MAN2C1: variants seen among roughly 807,000 people sequenced by gnomAD.
MAN2C1 encodes mannosidase alpha class 2C member 1.
In MAN2C1, 111 loss-of-function variants were observed where a neutral mutation model predicts 126.9. That is an observed-to-expected ratio of 0.87 (90% CI 0.75 to 1.02). The LOEUF (loss-of-function observed/expected upper bound fraction) is 1.02. MAN2C1 is among the 50% of genes least tolerant of loss of function. The pLI is 0.00. For synonymous variants in MAN2C1, 567 were observed against 561.5 expected (o/e 1.01, Z -0.14); for missense variants, 1,363 against 1,364.4 (o/e 1.00, Z 0.02).
At position 75,361,949 on chromosome 15, in the gene MAN2C1, T is replaced by C. The variant is rs757406472; in HGVS notation, c.1009-2A>G. 1.2e-6 allele frequency: 2 copies of C among 1,613,032 alleles called. No homozygotes were observed. Among genetic ancestry groups the C allele is most frequent in the African/African-American group, 2.7e-5 (2 of 74,934 alleles). Reference sequence around the variant, plus strand: ...CTCTCCACTGGGCAGGTTCCCATCCTGGCAGTGAAGGAAGTGGGAGGCAGC... The same window carrying C: ...CTCTCCACTGGGCAGGTTCCCATCCCGGCAGTGAAGGAAGTGGGAGGCAGC... On this transcript the variant is annotated splice_acceptor_variant, in intron 8 of 25. Coordinates refer to ENST00000267978, the MANE Select transcript of MAN2C1 (RefSeq NM_006715.4). LOFTEE classifies it high-confidence loss of function. This position sits in a 1 kb window ranked among gnomAD's most constrained non-coding sequence, Gnocchi z 5.0.
intron 3 of MAN2C1, among the ~76,000 whole-genome samples, chr15:75,366,794 T>C (rs1288301665): frequency 6.6e-6 from 1 of 152,220 alleles, no homozygotes; most frequent in Admixed American, 6.5e-5. Flanking sequence ...GACCGTCAAA[T>C]AGCCCCTGTT....
chr15:75,359,511 C>T, intron 16 of MAN2C1, 86 bp from the exon 17 acceptor site: 1 of 1,558,016 alleles, frequency 6.4e-7, no homozygotes, highest in African/African-American at 1.4e-5. Context: ...GGAAGATGTG[C>T]TACTACTCTC....
At chr15:75,366,645 G>T in intron 3 of MAN2C1, 53 bp from the exon 4 acceptor site, 1 of 1,416,110 alleles carries the variant, frequency 7.1e-7, no homozygotes, top group South Asian at 1.2e-5. Flanking sequence ...GGACAGTTCA[G>T]GTAAAGTGTA....
chr15:75,361,283 C>T lies in MAN2C1; in HGVS notation c.1314+3G>A, dbSNP rs1445859812. 6.4e-7 allele frequency: 1 copy of T among 1,571,786 alleles called. No individual in the cohort carries two copies. Among genetic ancestry groups the T allele is most frequent in the Non-Finnish European group, 8.6e-7 (1 of 1,158,216 alleles). The stretch of plus-strand genomic sequence containing the variant: ...TACCCCACCACCCTAGGTGACCCCT[C>T]ACCTCCTCCACGCTGCCCTGCATCC... On this transcript the variant is annotated splice_donor_region_variant and intron_variant, in intron 11 of 25. Transcript: ENST00000267978. This position sits in a 1 kb window ranked among gnomAD's most constrained non-coding sequence, Gnocchi z 5.0.
intron 4 of MAN2C1, chr15:75,365,853 G>A: frequency 2.9e-6 from 1 of 343,478 alleles, no homozygotes; most frequent in East Asian, 1.1e-4. Flanking sequence ...GGGAAGCTGA[G>A]AGGGGCGGAT....
chr15:75,362,822 C>T lies in MAN2C1; in HGVS notation c.791-74G>A. 8.0e-7 allele frequency: 1 copy of T among 1,250,142 alleles called. No homozygotes were observed. Among genetic ancestry groups the T allele is most frequent in the South Asian group, 1.2e-5 (1 of 80,996 alleles). The allele number at this position is 1,250,142 out of a possible 1,614,324, so 77.4% of individuals were successfully genotyped here. On this transcript the variant is annotated intron_variant, in intron 6 of 25. Coordinates refer to ENST00000267978, the MANE Select transcript of MAN2C1 (RefSeq NM_006715.4). This position sits in a 1 kb window ranked among gnomAD's most constrained non-coding sequence, Gnocchi z 4.5. ...GGCCTGGGCTGGGACTCCAGAGGGT[C>T]ACCTAGCCCCCCTCCCATCCCAGGC... is the stretch of plus-strand genomic sequence containing the variant.
rs1156265225 is a variant in MAN2C1, at chr15:75,358,804, C to G, written c.2146G>C (p.Ala716Pro). ...TTCCCCACGGCGCCCTCAGCAATGG[C>G]CTCCCTGGAAGGACATGGGATTGGT... ...SLVLVASGRE[A>P]IAEGAVGNQF... Residue 716 changes from alanine (A) to proline (P), a missense_variant, in exon 19 of 26, where the codon GCC (alanine) becomes CCC (proline). Ala to Pro is a conservative substitution (Grantham distance 27). Around this residue, in one of 3 missense-constraint regions of MAN2C1, gnomAD observed 668 missense variants for 650.1 expected, o/e 1.03. Transcript: ENST00000267978. The G allele has an allele frequency of 6.2e-7, 1 of 1,612,334 alleles. No individual in the cohort carries two copies. The highest frequency in any genetic ancestry group is 8.5e-7 in the Non-Finnish European group (1 of 1,178,846).
In MAN2C1 at chr15:75,363,884, C is replaced by T. The variant is rs928844508; in HGVS notation, c.790+115G>A. ...GGCCCCGTTTTACAGACGGGGAAAA[C>T]GCAGGTCCAAGAGGAGCAAGAACTT... On this transcript the variant is annotated intron_variant, in intron 6 of 25. Coordinates refer to ENST00000267978, the MANE Select transcript of MAN2C1 (RefSeq NM_006715.4). 4.0e-4 allele frequency: 461 copies of T among 1,149,842 alleles called. 3 individuals carry two copies. Among genetic ancestry groups the T allele is most frequent in the Middle Eastern group, 2.5e-3 (12 of 4,858 alleles). The allele number at this position is 1,149,842 out of a possible 1,614,324, so 71.2% of individuals were successfully genotyped here.
At chr15:75,357,920 A>AATTTTTGT (rs2072370072) in intron 21 of MAN2C1, 1 of 371,408 alleles carries the variant, frequency 2.7e-6, no homozygotes, top group Non-Finnish European at 5.1e-6. Context: ...CGCCCGGCCC[A>AATTTTTGT]ATTTTTGTAT....
At chr15:75,363,597 G>A (rs932130442) in intron 6 of MAN2C1, among the ~76,000 whole-genome samples, 2 of 152,210 alleles carry the variant, frequency 1.3e-5, no homozygotes, top group African/African-American at 4.8e-5. Context: ...CCTGAGGTCA[G>A]GAGTTTGAGA....
chr15:75,357,385 A>C (rs1686685846), intron 21 of MAN2C1: 1 of 157,318 alleles, frequency 6.4e-6, no homozygotes, highest in Non-Finnish European at 1.4e-5. Flanking sequence ...AGCTCACTGC[A>C]ACCTCCGCCT....
Position 75,355,877 on chromosome 15 carries a change from T to C in MAN2C1, c.*29A>G, listed in dbSNP as rs1309939201. On this transcript the variant is annotated 3_prime_UTR_variant, in exon 26 of 26. Transcript: ENST00000267978. ...CAGAAATTAGGAGTCCCCAGAGCCT[T>C]CTACAAACAAAACCCCAGCCCCAGG... The C allele has an allele frequency of 7.4e-6, 12 of 1,612,854 alleles. No individual in the cohort carries two copies. In the Admixed American group the frequency reaches 1.8e-4, roughly 25 times the overall value.
intron 12 of MAN2C1, 84 bp from the exon 13 acceptor site, chr15:75,360,772 T>G: frequency 6.5e-7 from 1 of 1,544,740 alleles, no homozygotes; most frequent in Non-Finnish European, 8.8e-7. Context: ...AGGATCCAGC[T>G]CCTACAGAGA....
In MAN2C1 at chr15:75,362,685, T is replaced by C. The variant is rs1036332530; in HGVS notation, c.854A>G (p.Gln285Arg). 1 of 1,614,038 alleles carries C rather than the reference T, an allele frequency of 6.2e-7. No homozygotes were observed. Among genetic ancestry groups the C allele is most frequent in the African/African-American group, 1.3e-5 (1 of 74,942 alleles). The part of the protein sequence containing the change: ...KCARSWVTAL[Q>R]LMERNPEFIF... ...GAACTCAGGGTTCCGCTCCATGAGC[T>C]GCAGGGCGGTCACCCAGCTCCGGGC... Residue 285 changes from glutamine to arginine, a missense_variant, in exon 7 of 26, where the codon CAG becomes CGG. This residue lies in a region of MAN2C1 where 628 missense variants were observed against 609.8 expected (regional missense o/e 1.03). Transcript: ENST00000267978. The surrounding 1 kb of genome is among the most constrained non-coding windows in gnomAD (Gnocchi z 4.5).
chr15:75,357,620 T>A (rs1470869533), intron 21 of MAN2C1: 2 of 141,900 alleles, frequency 1.4e-5, no homozygotes, highest in Non-Finnish European at 3.1e-5. Context: ...TTTTTGTATT[T>A]TTTTTTTTTT....
intron 4 of MAN2C1, among the ~76,000 whole-genome samples, chr15:75,365,121 C>T (rs770515393): frequency 3.9e-5 from 6 of 152,172 alleles, no homozygotes; most frequent in African/African-American, 1.2e-4. Context: ...AGAGCAAACA[C>T]GACTTCCTTA....
Position 75,355,986 on chromosome 15 carries a change from G to T in MAN2C1, c.3043C>A (p.Arg1015=). 1 of 1,614,062 alleles carries T rather than the reference G, an allele frequency of 6.2e-7. No homozygotes were observed. The highest frequency in any genetic ancestry group is 8.5e-7 in the Non-Finnish European group (1 of 1,179,978). ...AAGGTGAGCTTCAGGCGGTTGTCCC[G>T]AAGGGTCAAGTGGCCAGCAGGGTCT... ...RPDPAGHLTL[R]DNRLKLTFSP... Residue 1015 remains arginine (R), a synonymous_variant, in exon 26 of 26, where the codon CGG becomes AGG. Coordinates refer to ENST00000267978, the MANE Select transcript of MAN2C1 (RefSeq NM_006715.4).
In MAN2C1 at chr15:75,356,314, T is replaced by C; in HGVS notation, c.2873A>G (p.Glu958Gly). 1 of 1,611,512 alleles carries C rather than the reference T, an allele frequency of 6.2e-7. No homozygotes were observed. Among genetic ancestry groups the C allele is most frequent in the East Asian group, 2.2e-5 (1 of 44,738 alleles). ...CCCACCCCTTGCCTGCTTGACGGTC[T>C]CCAATACGACCGCGGGTGAAGACAC... ...FSVSSPAVVL[E>G]TVKQAESSPQ... The change falls in exon 24 of 26, where the codon GAG (glutamate) becomes GGG (glycine). Residue 958 changes from glutamate (E) to glycine (G), a missense_variant. Glu to Gly is a moderately conservative substitution (Grantham distance 98). Coordinates refer to ENST00000267978, the MANE Select transcript of MAN2C1 (RefSeq NM_006715.4). This position sits in a 1 kb window ranked among gnomAD's most constrained non-coding sequence, Gnocchi z 5.8.
At chr15:75,359,214 C>A in intron 17 of MAN2C1, 61 bp from the exon 18 acceptor site, 1 of 1,600,272 alleles carries the variant, frequency 6.2e-7, no homozygotes, top group Non-Finnish European at 8.5e-7. Flanking sequence ...AAAGTCTTCC[C>A]ACCCCAACCC....
Sources: gnomAD v4.1 joint callset for allele counts (sites outside exome capture counted in the v4.1 genomes callset) on GRCh38, gnomAD v4.1.1 for gene constraint, gnomAD v4.1.1 regional missense constraint, Gnocchi (gnomAD v3.1) non-coding constraint, MANE v1.5 for transcripts, NCBI Gene and HGNC (gene_info 2026-07-23, HGNC 2026-07-21) for gene names.